OIT3: variants seen among roughly 807,000 people sequenced by gnomAD.
OIT3 encodes the protein oncoprotein-induced transcript 3 protein.
Under a neutral mutation model 52.2 loss-of-function variants are expected in OIT3, and 41 were observed. That is an observed-to-expected ratio of 0.79 (90% CI 0.61 to 1.02). The LOEUF (loss-of-function observed/expected upper bound fraction) is 1.02. OIT3 is among the 50% of genes least tolerant of loss of function. OIT3 has a pLI of 0.00. For missense variants in OIT3, 634 were observed against 715.5 expected (o/e 0.89, Z 1.30); for synonymous variants, 244 against 276.9 (o/e 0.88, Z 1.18).
intron 6 of OIT3, among the ~76,000 whole-genome samples, chr10:72,920,353 C>A (rs576704110): frequency 6.6e-6 from 1 of 152,166 alleles, no homozygotes; most frequent in African/African-American, 2.4e-5. Context: ...AGTGGCCTAT[C>A]TATTTTATTA....
chr10:72,929,755 C>G (rs919834543), intron 7 of OIT3, among the ~76,000 whole-genome samples: 5 of 152,050 alleles, frequency 3.3e-5, no homozygotes, highest in African/African-American at 1.2e-4. Flanking sequence ...GTTGGCCAGG[C>G]TGGTCTCGAA....
intron 3 of OIT3, among the ~76,000 whole-genome samples, chr10:72,900,970 A>C (rs1439457010): frequency 6.6e-6 from 1 of 152,070 alleles, no homozygotes; most frequent in Non-Finnish European, 1.5e-5. Flanking sequence ...CAGGAGGCTG[A>C]GGTGGGAGGA....
chr10:72,925,701 C>T (rs1312081515), intron 7 of OIT3, among the ~76,000 whole-genome samples: 3 of 152,122 alleles, frequency 2.0e-5, no homozygotes, highest in African/African-American at 7.2e-5. Context: ...CAACCTTGAT[C>T]CTCAGGCTCA....
At chr10:72,927,680 T>C (rs941584742) in intron 7 of OIT3, among the ~76,000 whole-genome samples, 2 of 152,156 alleles carry the variant, frequency 1.3e-5, no homozygotes, top group African/African-American at 4.8e-5. Context: ...GCCATTACCC[T>C]CTGACCTCAG....
chr10:72,898,818 C>T lies in OIT3; in HGVS notation c.216C>T (p.Thr72=), dbSNP rs929976481. 2 of 1,614,132 alleles carry T rather than the reference C, an allele frequency of 1.2e-6. No individual in the cohort carries two copies. The highest frequency in any genetic ancestry group is 8.5e-7 in the Non-Finnish European group (1 of 1,179,996). ...GCATGGCGGGAGATGCCATGCCTAC[C>T]TTCTGCATACCAGAAAACCACTGTG... ...FTGMAGDAMP[T]FCIPENHCGT... is the part of the protein sequence containing the mutation. The change falls in exon 2 of 9, where the codon ACC becomes ACT. Residue 72 remains threonine, a synonymous_variant. Coordinates refer to ENST00000334011, the MANE Select transcript of OIT3 (RefSeq NM_152635.3).
chr10:72,906,468 C>A, intron 3 of OIT3, 128 bp from the exon 4 acceptor site: 1 of 970,414 alleles, frequency 1.0e-6, no homozygotes, highest in Non-Finnish European at 1.6e-6. Context: ...GATACTGGAT[C>A]AGAGGGGGAG....
intron 2 of OIT3, 70 bp downstream of exon 2, chr10:72,899,108 T>C (rs1845903980): frequency 1.4e-6 from 2 of 1,417,270 alleles, no homozygotes; most frequent in Admixed American, 2.1e-5. Flanking sequence ...GTGCCAATTA[T>C]AGGATATGCA....
At chr10:72,907,492 G>A (rs913462578) in intron 4 of OIT3, among the ~76,000 whole-genome samples, 5 of 152,186 alleles carry the variant, frequency 3.3e-5, no homozygotes, top group Admixed American at 2.6e-4. Flanking sequence ...CTGGCCGACA[G>A]CTGTGTTTCC....
At chr10:72,906,452 A>T (rs1209884333) in intron 3 of OIT3, 144 bp from the exon 4 acceptor site, 1 of 820,018 alleles carries the variant, frequency 1.2e-6, no homozygotes, top group Admixed American at 2.2e-5. Context: ...GGTGGATGGG[A>T]GTGATGATAC....
At chr10:72,929,007 A>G (rs1380790961) in intron 7 of OIT3, among the ~76,000 whole-genome samples, 1 of 152,048 alleles carries the variant, frequency 6.6e-6, no homozygotes, top group East Asian at 1.9e-4. Context: ...TCTTGAGTTC[A>G]AGACCAGCCT....
At chr10:72,926,805 A>C (rs1846173397) in intron 7 of OIT3, among the ~76,000 whole-genome samples, 1 of 152,218 alleles carries the variant, frequency 6.6e-6, no homozygotes, top group Admixed American at 6.5e-5. Flanking sequence ...GACTAGGTTT[A>C]CTTTTTTTGC....
intron 3 of OIT3, among the ~76,000 whole-genome samples, chr10:72,905,235 C>T (rs1305543234): frequency 6.6e-6 from 1 of 152,118 alleles, no homozygotes; most frequent in Admixed American, 6.6e-5. Context: ...CTTTGGGAGG[C>T]CAAGGCAGGT....
rs181435904 is a variant in OIT3 at position 72,909,332 on chromosome 10, C to T, written c.668-2385C>T. 3.3e-5 allele frequency among the ~76,000 whole-genome samples: 5 copies of T among 151,878 alleles called. No homozygotes were observed. The East Asian group carries it at 5.8e-4, about 18-fold the overall frequency. On this transcript the variant is annotated intron_variant, in intron 4 of 8. Transcript: ENST00000334011. ...ACAGGGTTTCACCATGTTGGCCAGGCTGGTCTCGAACTCCTGAGCTCAAGC... is the reference window on the plus strand; with the variant it reads ...ACAGGGTTTCACCATGTTGGCCAGGTTGGTCTCGAACTCCTGAGCTCAAGC...
chr10:72,918,686 G>C (rs1846096159), intron 6 of OIT3, among the ~76,000 whole-genome samples: 2 of 152,134 alleles, frequency 1.3e-5, no homozygotes, highest in South Asian at 4.1e-4. Context: ...TGTAAGGAAG[G>C]GGTCCAGTTT....
At chr10:72,908,159 C>G (rs1845996982) in intron 4 of OIT3, among the ~76,000 whole-genome samples, 1 of 152,120 alleles carries the variant, frequency 6.6e-6, no homozygotes, top group Admixed American at 6.6e-5. Flanking sequence ...ACAAGAATCA[C>G]TTGAACCTGG....
intron 8 of OIT3, among the ~76,000 whole-genome samples, chr10:72,932,146 C>T (rs577637859): frequency 6.6e-6 from 1 of 152,260 alleles, no homozygotes; most frequent in Non-Finnish European, 1.5e-5. Context: ...AACTTTGCCA[C>T]ATTTTTTATT....
At chr10:72,900,543 C>T (rs781474799) in intron 3 of OIT3, 59 bp downstream of exon 3, 9 of 851,370 alleles carry the variant, frequency 1.1e-5, no homozygotes, top group Non-Finnish European at 1.5e-5. Context: ...AAATCAAAAA[C>T]TCTTCCTGCC....
At chr10:72,931,391 C>T (rs573375555) in intron 8 of OIT3, among the ~76,000 whole-genome samples, 1 of 152,256 alleles carries the variant, frequency 6.6e-6, no homozygotes, top group East Asian at 1.9e-4. Context: ...ACTTAGGCAG[C>T]TGAGGCAGGT....
Position 72,899,015 on chromosome 10 carries a change from T to C in OIT3, c.413T>C (p.Val138Ala), listed in dbSNP as rs1845902949. 3.7e-6 allele frequency: 6 copies of C among 1,611,354 alleles called. No individual in the cohort carries two copies. In the East Asian group the frequency reaches 1.3e-4, roughly 36 times the overall value. The change falls in exon 2 of 9, where the codon GTC becomes GCC. Residue 138 changes from valine (V) to alanine (A), a missense_variant. Val to Ala is a moderately conservative substitution (Grantham distance 64). Coordinates refer to ENST00000334011, the MANE Select transcript of OIT3 (RefSeq NM_152635.3). ...YYVYRLTKPS[V>A]CFHVYCGHFY... ...GTGTATCGTCTGACCAAGCCCAGCG[T>C]CTGCTTCCACGTCTACTGTGGTCGT...
Sources: allele counts gnomAD v4.1 joint callset (sites outside exome capture counted in the v4.1 genomes callset), GRCh38; gene constraint gnomAD v4.1.1; transcripts MANE v1.5; gene names NCBI Gene and HGNC (gene_info 2026-07-23, HGNC 2026-07-21).